Variants in SCYL3 observed in about 807,000 individuals in gnomAD.
SCYL3 encodes SCY1 like pseudokinase 3.
Under a neutral mutation model 73.8 loss-of-function variants are expected in SCYL3, and 35 were observed. The ratio of observed to expected loss-of-function variants is 0.47; its 90% confidence interval spans 0.36 to 0.63. The LOEUF is 0.63. Among genes scored for constraint, SCYL3 ranks in the 20% least tolerant of loss-of-function variants. The pLI, the probability that SCYL3 is intolerant of heterozygous loss-of-function variation, is 0.00. For missense variants in SCYL3, 712 were observed against 798.9 expected (o/e 0.89, Z 1.31); for synonymous variants, 277 against 295.2 (o/e 0.94, Z 0.63).
At chr1:169,889,380 A>G (rs1344820473) in intron 1 of SCYL3, among the ~76,000 whole-genome samples, 1 of 152,228 alleles carries the variant, frequency 6.6e-6, no homozygotes, top group East Asian at 1.9e-4. Context: ...CATTGTTAAT[A>G]TGATGAAAAA....
chr1:169,887,462 T>TC (rs1661764704), intron 2 of SCYL3, among the ~76,000 whole-genome samples: 1 of 152,122 alleles, frequency 6.6e-6, no homozygotes. Flanking sequence ...CTCTAGTACC[T>TC]CGCCGATAAT....
chr1:169,859,278 G>A, intron 10 of SCYL3, 66 bp from the exon 11 acceptor site: 3 of 1,448,528 alleles, frequency 2.1e-6, no homozygotes, highest in East Asian at 2.4e-5. Context: ...CCCTGTAAAT[G>A]AGCAATTGGG....
intron 12 of SCYL3, 80 bp from the exon 13 acceptor site, chr1:169,853,852 A>AATTTAAAATTTATCTTTT: frequency 6.7e-7 from 1 of 1,490,378 alleles, no homozygotes; most frequent in Non-Finnish European, 9.3e-7. Context: ...AAAAAGCAGG[A>AATTTAAAATTTATCTTTT]ATTTAAAATT....
chr1:169,858,114 T>C (rs1409396442), intron 11 of SCYL3, among the ~76,000 whole-genome samples: 1 of 152,242 alleles, frequency 6.6e-6, no homozygotes, highest in Non-Finnish European at 1.5e-5. Context: ...TCTTCAATAA[T>C]GTTATTTACT....
chr1:169,876,770 A>G (rs1314480291), intron 3 of SCYL3, among the ~76,000 whole-genome samples: 1 of 152,032 alleles, frequency 6.6e-6, no homozygotes, highest in Admixed American at 6.6e-5. Flanking sequence ...CCTGGTTAAC[A>G]CGGTGAAACC....
chr1:169,878,557 T>C, intron 3 of SCYL3, 77 bp downstream of exon 3: 2 of 1,174,796 alleles, frequency 1.7e-6, no homozygotes, highest in Non-Finnish European at 2.4e-6. Context: ...CCATAATTTA[T>C]AAGTATTACC....
intron 1 of SCYL3, among the ~76,000 whole-genome samples, chr1:169,893,255 C>A (rs1188220293): frequency 6.6e-6 from 1 of 152,170 alleles, no homozygotes. Flanking sequence ...AGCACTATGC[C>A]AAGACAGGAG....
chr1:169,891,316 CCATCT>C (rs973930608), intron 1 of SCYL3, among the ~76,000 whole-genome samples: 1 of 152,192 alleles, frequency 6.6e-6, no homozygotes, highest in Non-Finnish European at 1.5e-5. Context: ...TTACTACTAT[CCATCT>C]CAAGACTACC....
At position 169,853,753 on chromosome 1, in the gene SCYL3, TCCC is replaced by T. The variant is rs757644322; in HGVS notation, c.2024_2026del (p.Trp675_Glu676delinsTer). ...TTCCCAGTTCAGCTCCCCTTCTTCT[TCCC>T]AGCCTTCAGCCTCTCCCTGCAACAA... On this transcript the variant is annotated stop_gained and inframe_deletion, in exon 13 of 13. Coordinates refer to ENST00000367771, the MANE Select transcript of SCYL3 (RefSeq NM_020423.7). LOFTEE classifies it high-confidence loss of function. 8 of 1,613,892 alleles carry T rather than the reference TCCC, an allele frequency of 5.0e-6. No homozygotes were observed. Among genetic ancestry groups the T allele is most frequent in the Non-Finnish European group, 6.8e-6 (8 of 1,179,918 alleles).
chr1:169,857,938 A>G (rs2102138532), intron 11 of SCYL3, among the ~76,000 whole-genome samples: 1 of 152,342 alleles, frequency 6.6e-6, no homozygotes, highest in Non-Finnish European at 1.5e-5. Flanking sequence ...AAGTAAAAAT[A>G]TAATGATACA....
chr1:169,850,105 T>C lies in SCYL3; in HGVS notation c.*3608A>G. Reference sequence around the variant, plus strand: ...ACAGAAGTTAATTTTGTATTATCCTTAGGGACCCTGAAGGAATCATGAGTT... The same window carrying C: ...ACAGAAGTTAATTTTGTATTATCCTCAGGGACCCTGAAGGAATCATGAGTT... On this transcript the variant is annotated 3_prime_UTR_variant, in exon 13 of 13. Transcript: ENST00000367771. The C allele has an allele frequency of 8.4e-6, 5 of 598,206 alleles. No individual in the cohort carries two copies. The highest frequency in any genetic ancestry group is 1.5e-5 in the Non-Finnish European group (5 of 337,194). The allele number at this position is 598,206 out of a possible 1,614,324, so 37.1% of individuals were successfully genotyped here.
At chr1:169,877,397 A>G (rs1037029139) in intron 3 of SCYL3, among the ~76,000 whole-genome samples, 1 of 152,204 alleles carries the variant, frequency 6.6e-6, no homozygotes, top group African/African-American at 2.4e-5. Flanking sequence ...GGCTCAAGCG[A>G]TCCTCTTGCC....
At chr1:169,853,853 A>C (rs1658761865) in intron 12 of SCYL3, 81 bp from the exon 13 acceptor site, 15 of 1,489,848 alleles carry the variant, frequency 1.0e-5, no homozygotes, top group Middle Eastern at 1.7e-4. Context: ...AAAAGCAGGA[A>C]TTTAAAATTT....
At chr1:169,874,500 A>G (rs879640178) in intron 4 of SCYL3, among the ~76,000 whole-genome samples, 5 of 152,226 alleles carry the variant, frequency 3.3e-5, no homozygotes, top group East Asian at 3.8e-4. Context: ...CACATTTTCC[A>G]GAAGCCAATG....
At chr1:169,878,922 G>A in intron 2 of SCYL3, 103 bp from the exon 3 acceptor site, 1 of 1,058,594 alleles carries the variant, frequency 9.4e-7, no homozygotes, top group Middle Eastern at 3.0e-4. Context: ...TTGCAGTTAA[G>A]GCTCTTTTGA....
At chr1:169,871,409 C>G (rs763529347) in intron 5 of SCYL3, among the ~76,000 whole-genome samples, 1 of 152,160 alleles carries the variant, frequency 6.6e-6, no homozygotes, top group South Asian at 2.1e-4. Flanking sequence ...GTGAGACGTG[C>G]CTTTTGCCTT....
intron 2 of SCYL3, among the ~76,000 whole-genome samples, chr1:169,883,060 C>T (rs1352505755): frequency 6.6e-6 from 1 of 152,130 alleles, no homozygotes; most frequent in African/African-American, 2.4e-5. Context: ...TAACACTCAC[C>T]GCGAAGGTCC....
intron 3 of SCYL3, among the ~76,000 whole-genome samples, chr1:169,876,961 A>T (rs961635038): frequency 1.9e-5 from 2 of 103,026 alleles, no homozygotes; most frequent in African/African-American, 6.5e-5. Context: ...TCTCAAATAA[A>T]AAAAAAAAAA....
At position 169,883,235 on chromosome 1, in the gene SCYL3, A is replaced by G. The variant is rs566713728; in HGVS notation, c.166-4416T>C. On this transcript the variant is annotated intron_variant, in intron 2 of 12. Coordinates refer to ENST00000367771, the MANE Select transcript of SCYL3 (RefSeq NM_020423.7). ...AGTCAGTGAGACCAAGAACCCACCA[A>G]TTCCGGACACAATACTGCTGCTGAT... Among the ~76,000 whole-genome samples, 123 of 152,188 alleles carry G rather than the reference A, an allele frequency of 8.1e-4. 1 individual carries two copies. Among genetic ancestry groups the G allele is most frequent in the Non-Finnish European group, 4.9e-4 (33 of 67,998 alleles).
Sources: allele counts gnomAD v4.1 joint callset (sites outside exome capture counted in the v4.1 genomes callset), GRCh38; gene constraint gnomAD v4.1.1; transcripts MANE v1.5; gene names NCBI Gene and HGNC (gene_info 2026-07-23, HGNC 2026-07-21).